Variants in SV2B observed in about 807,000 individuals in gnomAD.
SV2B encodes solute carrier family 22 member B2.
A neutral mutation model predicts 73.9 loss-of-function variants in SV2B; 41 were observed. That is an observed-to-expected ratio of 0.56 (90% CI 0.43 to 0.72). SV2B has a LOEUF of 0.72. Among genes scored for constraint, SV2B ranks in the 30% least tolerant of loss-of-function variants. SV2B has a pLI of 0.00. For missense variants in SV2B, 764 were observed against 857.8 expected, an observed-to-expected ratio of 0.89 and a Z score of 1.37; for synonymous variants, 314 against 314.2, an observed-to-expected ratio of 1.00 and a Z score of 0.01.
chr15:91,161,107 C>T (rs1294471906), intron 1 of SV2B, among the ~76,000 whole-genome samples: 1 of 152,036 alleles, frequency 6.6e-6, no homozygotes, highest in Non-Finnish European at 1.5e-5. Flanking sequence ...CTAGAAAACA[C>T]CAAACATATG....
chr15:91,168,300 A>AAGAGAGAGAG (rs1567308687), intron 1 of SV2B, among the ~76,000 whole-genome samples: 2 of 64,598 alleles, frequency 3.1e-5, no homozygotes, highest in Non-Finnish European at 3.4e-5. Context: ...ATGGTGAGAT[A>AAGAGAGAGAG]CGAGAGAGAG....
Position 91,128,178 on chromosome 15 carries a change from T to A in SV2B, c.-392+27815T>A, listed in dbSNP as rs1300444521. Among the ~76,000 whole-genome samples the A allele has an allele frequency of 1.3e-5, 2 of 152,324 alleles. No individual in the cohort carries two copies. The highest frequency in any genetic ancestry group is 6.5e-5 in the Admixed American group (1 of 15,304). ...ATCCCATCACCAACTCAGCTCTTTGTGTAGCGGAGATTTTCAGTCCCTCCT... is the reference window on the plus strand; with the variant it reads ...ATCCCATCACCAACTCAGCTCTTTGAGTAGCGGAGATTTTCAGTCCCTCCT... On this transcript the variant is annotated intron_variant, in intron 1 of 12. Coordinates refer to ENST00000394232, the MANE Select transcript of SV2B (RefSeq NM_001323032.3). The surrounding 1 kb of genome is among the most constrained non-coding windows in gnomAD (Gnocchi z 4.2).
intron 1 of SV2B, among the ~76,000 whole-genome samples, chr15:91,160,678 A>G (rs2043682314): frequency 6.6e-6 from 1 of 152,164 alleles, no homozygotes; most frequent in Admixed American, 6.5e-5. Flanking sequence ...CAGACAAATA[A>G]TCGGTGGACT....
intron 1 of SV2B, among the ~76,000 whole-genome samples, chr15:91,161,513 A>AAATG (rs1295762240): frequency 6.6e-6 from 1 of 152,260 alleles, no homozygotes; most frequent in Non-Finnish European, 1.5e-5. Flanking sequence ...CAAGTAAATA[A>AAATG]AATGAATGCT....
chr15:91,127,351 G>T (rs2042514785), intron 1 of SV2B, among the ~76,000 whole-genome samples: 1 of 152,080 alleles, frequency 6.6e-6, no homozygotes, highest in South Asian at 2.1e-4. Flanking sequence ...GCAGAGGCCA[G>T]GCTGGAAACA....
intron 1 of SV2B, among the ~76,000 whole-genome samples, chr15:91,172,571 T>C (rs1425363254): frequency 1.3e-5 from 2 of 152,192 alleles, no homozygotes; most frequent in Non-Finnish European, 2.9e-5. Flanking sequence ...GGCAGGCTGA[T>C]GTGAGGCCCC....
At chr15:91,160,705 A>G (rs1296776372) in intron 1 of SV2B, among the ~76,000 whole-genome samples, 1 of 152,232 alleles carries the variant, frequency 6.6e-6, no homozygotes, top group Non-Finnish European at 1.5e-5. Flanking sequence ...GGGAGTCCCA[A>G]AATAGATCCA....
chr15:91,205,585 C>T (rs974231735), intron 1 of SV2B, among the ~76,000 whole-genome samples: 6 of 151,946 alleles, frequency 3.9e-5, no homozygotes, highest in African/African-American at 7.3e-5. Context: ...AGACTGGTCT[C>T]GAACTCTTGA....
chr15:91,224,351 G>A lies in SV2B; in HGVS notation c.-391-1522G>A, dbSNP rs548583350. On this transcript the variant is annotated intron_variant, in intron 1 of 12. Coordinates refer to ENST00000394232, the MANE Select transcript of SV2B (RefSeq NM_001323032.3). The surrounding 1 kb of genome is among the most constrained non-coding windows in gnomAD (Gnocchi z 4.9). The stretch of plus-strand genomic sequence containing the variant: ...GTCTCTGGTAGCCTCAATGTGTGAG[G>A]TCCGAGCATTATCCCTATCAGAGGG... 2.5e-4 allele frequency among the ~76,000 whole-genome samples: 38 copies of A among 152,250 alleles called. No homozygotes were observed. The highest frequency in any genetic ancestry group is 1.2e-3 in the Admixed American group (19 of 15,294).
rs760162239 is a variant in SV2B at position 91,105,305 on chromosome 15, G to A, written c.-392+4942G>A. On this transcript the variant is annotated intron_variant, in intron 1 of 12. Transcript: ENST00000394232. The surrounding 1 kb of genome is among the most constrained non-coding windows in gnomAD (Gnocchi z 5.5). ...GGGAGGGTAGGGTAAAACGAAGTGT[G>A]GGTATTTTATGCAAGGTGGTCAGGG... is the stretch of plus-strand genomic sequence containing the variant. Among the ~76,000 whole-genome samples, 6 of 152,144 alleles carry A rather than the reference G, an allele frequency of 3.9e-5. No individual in the cohort carries two copies. The highest frequency in any genetic ancestry group is 7.3e-5 in the Non-Finnish European group (5 of 68,034).
chr15:91,191,581 C>T (rs1596552866), intron 1 of SV2B, among the ~76,000 whole-genome samples: 1 of 152,288 alleles, frequency 6.6e-6, no homozygotes, highest in South Asian at 2.1e-4. Context: ...CCCAAGGTGT[C>T]TCGCTGCTTT....
rs946360499 is a variant in SV2B, at chr15:91,242,042, A to G, written c.452-9777A>G. The stretch of plus-strand genomic sequence containing the variant: ...CTTGTCTAGATCACTCTTGGCCTCC[A>G]CTTGCTCAGTTCAGCAGTCAGCTCT... On this transcript the variant is annotated intron_variant, in intron 2 of 12. Transcript: ENST00000394232. The surrounding 1 kb of genome is among the most constrained non-coding windows in gnomAD (Gnocchi z 4.9). Among the ~76,000 whole-genome samples the G allele has an allele frequency of 1.3e-5, 2 of 152,144 alleles. No individual in the cohort carries two copies. The highest frequency in any genetic ancestry group is 2.9e-5 in the Non-Finnish European group (2 of 68,044).
chr15:91,209,084 C>T (rs926879377), intron 1 of SV2B, among the ~76,000 whole-genome samples: 1 of 147,846 alleles, frequency 6.8e-6, no homozygotes, highest in Non-Finnish European at 1.5e-5. Context: ...CCATCAGTTA[C>T]AATGAGTGAC....
Position 91,149,758 on chromosome 15 carries a change from T to G in SV2B, c.-392+49395T>G, listed in dbSNP as rs149847159. Among the ~76,000 whole-genome samples the G allele has an allele frequency of 4.8e-3, 730 of 152,288 alleles. 4 individuals carry two copies. The highest frequency in any genetic ancestry group is 0.017 in the African/African-American group (693 of 41,574). ...AAGGATTTGCCCAAGTCATCCAGCT[T>G]CAAACATCAGCATAGAACCCAGGGA... is the stretch of plus-strand genomic sequence containing the variant. On this transcript the variant is annotated intron_variant, in intron 1 of 12. Coordinates refer to ENST00000394232, the MANE Select transcript of SV2B (RefSeq NM_001323032.3).
intron 1 of SV2B, among the ~76,000 whole-genome samples, chr15:91,164,815 G>A (rs1263155202): frequency 6.6e-6 from 1 of 152,150 alleles, no homozygotes; most frequent in Non-Finnish European, 1.5e-5. Context: ...ATATGTATGG[G>A]GCTGGACAGT....
intron 1 of SV2B, among the ~76,000 whole-genome samples, chr15:91,173,917 T>C (rs2044212312): frequency 1.3e-5 from 2 of 152,322 alleles, no homozygotes; most frequent in African/African-American, 4.8e-5. Flanking sequence ...CTTCTCTATC[T>C]GAGGGTTTCC....
rs2049199358 is a variant in SV2B, at chr15:91,295,772, T to C, written c.*3220T>C. 1 of 152,170 alleles carries C rather than the reference T, an allele frequency of 6.6e-6. No individual in the cohort carries two copies. Among genetic ancestry groups the C allele is most frequent in the Admixed American group, 6.5e-5 (1 of 15,284 alleles). 9.4% of individuals were successfully genotyped at this position (152,170 alleles called of 1,614,324 possible). On this transcript the variant is annotated 3_prime_UTR_variant, in exon 13 of 13. Coordinates refer to ENST00000394232, the MANE Select transcript of SV2B (RefSeq NM_001323032.3). ...ACATAAAAAGATTAGTATTTATCCA[T>C]CCATTTATTCATTCAGCAAATCCTT... is the stretch of plus-strand genomic sequence containing the variant.
Position 91,239,607 on chromosome 15 carries a change from T to G in SV2B, c.452-12212T>G, listed in dbSNP as rs1432256595. 1.3e-5 allele frequency among the ~76,000 whole-genome samples: 2 copies of G among 152,126 alleles called. No individual in the cohort carries two copies. Among genetic ancestry groups the G allele is most frequent in the Admixed American group, 1.3e-4 (2 of 15,272 alleles). ...CAGAATTCTTCCCCCTGTGCCAAGT[T>G]GTCTTGCTGTTTGCTTGTGAGGGAT... On this transcript the variant is annotated intron_variant, in intron 2 of 12. Coordinates refer to ENST00000394232, the MANE Select transcript of SV2B (RefSeq NM_001323032.3). This position sits in a 1 kb window ranked among gnomAD's most constrained non-coding sequence, Gnocchi z 5.1.
rs1460467903 is a variant in SV2B, at chr15:91,298,409, A to G, written c.*5857A>G. 1.3e-5 allele frequency: 2 copies of G among 152,232 alleles called. No individual in the cohort carries two copies. The highest frequency in any genetic ancestry group is 4.8e-5 in the African/African-American group (2 of 41,464). The allele number at this position is 152,232 out of a possible 1,614,324, so 9.4% of individuals were successfully genotyped here. ...GCAGGCTTAAAGTACATTTTGTTTG[A>G]TTTGCAGAGGCATGGTGAGGAATTT... On this transcript the variant is annotated 3_prime_UTR_variant, in exon 13 of 13. Transcript: ENST00000394232. This position sits in a 1 kb window ranked among gnomAD's most constrained non-coding sequence, Gnocchi z 5.4.
Sources: gnomAD v4.1 joint callset for allele counts (sites outside exome capture counted in the v4.1 genomes callset) on GRCh38, gnomAD v4.1.1 for gene constraint, Gnocchi (gnomAD v3.1) non-coding constraint, MANE v1.5 for transcripts, NCBI Gene and HGNC (gene_info 2026-07-23, HGNC 2026-07-21) for gene names.